The following CHD2 variants were observed in gnomAD, a reference collection of about 807,000 sequenced individuals.
CHD2 encodes chromodomain helicase DNA binding protein 2.
A neutral mutation model predicts 243.9 loss-of-function variants in CHD2; 28 were observed. That is an observed-to-expected ratio of 0.11 (90% CI 0.09 to 0.16). CHD2 has a LOEUF of 0.16. CHD2 is among the 10% of genes least tolerant of loss of function. The pLI, the probability that CHD2 is intolerant of heterozygous loss-of-function variation, is 1.00. For missense variants in CHD2, 1,386 were observed against 2,209.8 expected (o/e 0.63, Z 7.47); for synonymous variants, 775 against 779.0 (o/e 0.99, Z 0.09).
chr15:93,000,759 A>G, intron 32 of CHD2, 119 bp downstream of exon 32: 1 of 1,117,794 alleles, frequency 8.9e-7, no homozygotes. Flanking sequence ...TGGAAATAGA[A>G]TATGTAAGTC....
intron 17 of CHD2, among the ~76,000 whole-genome samples, chr15:92,969,789 T>C (rs1263239330): frequency 6.6e-6 from 1 of 150,778 alleles, no homozygotes; most frequent in Non-Finnish European, 1.5e-5. Context: ...ACAATAAGAA[T>C]AGTAAAAACA....
At chr15:92,903,578 A>G (rs2052561712) in intron 2 of CHD2, among the ~76,000 whole-genome samples, 1 of 152,184 alleles carries the variant, frequency 6.6e-6, no homozygotes, top group South Asian at 2.1e-4. Flanking sequence ...ACTTTAAAAA[A>G]CGCGATTTTA....
intron 21 of CHD2, among the ~76,000 whole-genome samples, chr15:92,978,841 A>T (rs1292261717): frequency 2.6e-5 from 4 of 152,190 alleles, no homozygotes; most frequent in Non-Finnish European, 5.9e-5. Flanking sequence ...TTGGCCAAAG[A>T]TTCTGTTTTT....
chr15:92,973,149 G>C (rs1311795395), intron 19 of CHD2, among the ~76,000 whole-genome samples: 1 of 152,126 alleles, frequency 6.6e-6, no homozygotes, highest in African/African-American at 2.4e-5. Context: ...TGTGAGGCTG[G>C]GAACATAGCA....
chr15:92,929,190 C>G, intron 5 of CHD2, 99 bp downstream of exon 5: 1 of 1,105,104 alleles, frequency 9.0e-7, no homozygotes, highest in South Asian at 1.4e-5. Flanking sequence ...CTCCAGGTCC[C>G]TTAGTCTGCT....
intron 2 of CHD2, chr15:92,901,668 A>G (rs2052530321): frequency 2.7e-6 from 1 of 372,562 alleles, no homozygotes; most frequent in Non-Finnish European, 4.7e-6. Flanking sequence ...CATTTTACAT[A>G]CAAGGCAAAT....
At chr15:92,981,641 G>A (rs1204562619) in intron 24 of CHD2, among the ~76,000 whole-genome samples, 184 bp downstream of exon 24, 1 of 152,210 alleles carries the variant, frequency 6.6e-6, no homozygotes, top group East Asian at 1.9e-4. Flanking sequence ...CCGCACGAAG[G>A]TAATCACTGA....
chr15:92,993,051 A>AT, intron 28 of CHD2, 53 bp downstream of exon 28: 1 of 1,601,712 alleles, frequency 6.2e-7, no homozygotes, highest in Non-Finnish European at 8.5e-7. Context: ...CTTGGACTGG[A>AT]TTTCTGTTGC....
At chr15:92,992,489 T>G (rs2054132620) in intron 27 of CHD2, among the ~76,000 whole-genome samples, 1 of 152,194 alleles carries the variant, frequency 6.6e-6, no homozygotes, top group Non-Finnish European at 1.5e-5. Flanking sequence ...GAAAGTAGGC[T>G]GGAGAAAGGA....
intron 5 of CHD2, among the ~76,000 whole-genome samples, chr15:92,929,805 T>C (rs1168476299): frequency 6.6e-6 from 1 of 152,264 alleles, no homozygotes; most frequent in African/African-American, 2.4e-5. Context: ...TAAACAGTTG[T>C]CCATGGCTTC....
rs539260834 is a variant in CHD2 at position 93,002,599 on chromosome 15, T to G, written c.4278+282T>G. Among the ~76,000 whole-genome samples, 71 of 152,292 alleles carry G rather than the reference T, an allele frequency of 4.7e-4. No homozygotes were observed. The South Asian group carries it at 0.01, about 22-fold the overall frequency. On this transcript the variant is annotated intron_variant, in intron 33 of 38. Coordinates refer to ENST00000394196, the MANE Select transcript of CHD2 (RefSeq NM_001271.4). ...AATGAGATAGGACAGGTGAGAGAAATCGGCATTTACATGTAAATACGAAAT... is the reference window on the plus strand; with the variant it reads ...AATGAGATAGGACAGGTGAGAGAAAGCGGCATTTACATGTAAATACGAAAT...
At chr15:92,946,013 T>A (rs2053462360) in intron 11 of CHD2, 25 bp from the exon 12 acceptor site, 1 of 1,541,738 alleles carries the variant, frequency 6.5e-7, no homozygotes, top group African/African-American at 1.4e-5. Flanking sequence ...GTTGCTAATC[T>A]ATAAATTTTT....
rs550804440 is a variant in CHD2 at position 92,916,519 on chromosome 15, C to T, written c.63-7802C>T. Among the ~76,000 whole-genome samples, 5 of 152,300 alleles carry T rather than the reference C, an allele frequency of 3.3e-5. No homozygotes were observed. In the East Asian group the frequency reaches 5.8e-4, roughly 18 times the overall value. On this transcript the variant is annotated intron_variant, in intron 2 of 38. Transcript: ENST00000394196. ...CTATACAAGTTTGATAATTTGTCTA[C>T]GTTACATGCCCACAAATTGAATTAC...
At chr15:93,009,010 T>C (rs1400655459) in intron 34 of CHD2, 135 bp from the exon 35 acceptor site, 2 of 971,932 alleles carry the variant, frequency 2.1e-6, no homozygotes, top group Admixed American at 2.7e-5. Context: ...TCCACTGCAC[T>C]AGCTTTACCC....
At chr15:92,981,497 T>G in intron 24 of CHD2, 40 bp downstream of exon 24, 5 of 1,452,452 alleles carry the variant, frequency 3.4e-6, no homozygotes, top group Non-Finnish European at 4.8e-6. Flanking sequence ...CAGCATTGAT[T>G]CATTAATGAT....
intron 27 of CHD2, among the ~76,000 whole-genome samples, chr15:92,992,264 T>C (rs1006940190): frequency 2.0e-5 from 3 of 152,196 alleles, no homozygotes; most frequent in African/African-American, 7.2e-5. Flanking sequence ...GTCAGTTGCA[T>C]CTTTCCAGGA....
chr15:92,992,074 G>A (rs369240557), intron 27 of CHD2, among the ~76,000 whole-genome samples: 7 of 152,210 alleles, frequency 4.6e-5, no homozygotes, highest in South Asian at 2.1e-4. Context: ...GAAATGGTTC[G>A]GTACTTTACT....
chr15:92,903,665 C>T (rs942266384), intron 2 of CHD2, among the ~76,000 whole-genome samples: 1 of 152,086 alleles, frequency 6.6e-6, no homozygotes, highest in Non-Finnish European at 1.5e-5. Flanking sequence ...GAGAAGTATA[C>T]CATACTTTTT....
intron 3 of CHD2, 41 bp downstream of exon 3, chr15:92,924,593 A>T: frequency 6.5e-7 from 1 of 1,529,918 alleles, no homozygotes; most frequent in Non-Finnish European, 9.1e-7. Flanking sequence ...CTGCTAGCCT[A>T]GGACAAGCTA....
Sources: gnomAD v4.1 joint callset for allele counts (sites outside exome capture counted in the v4.1 genomes callset) on GRCh38, gnomAD v4.1.1 for gene constraint, MANE v1.5 for transcripts, NCBI Gene and HGNC (gene_info 2026-07-23, HGNC 2026-07-21) for gene names.